The following TMEM67 variants were observed in gnomAD, a reference collection of about 807,000 sequenced individuals.
The protein encoded by TMEM67 is meckelin.
In TMEM67, 124 loss-of-function variants were observed where a neutral mutation model predicts 136.6. That is an observed-to-expected ratio of 0.91 (90% CI 0.78 to 1.05). The LOEUF is 1.05. Among genes scored for constraint, TMEM67 ranks in the 50% least tolerant of loss-of-function variants. The pLI is 0.00. For synonymous variants in TMEM67, 364 were observed against 390.5 expected (o/e 0.93, Z 0.80); for missense variants, 1,107 against 1,178.4 (o/e 0.94, Z 0.89).
chr8:93,793,094 TC>T (rs1814456698), intron 15 of TMEM67, 103 bp from the exon 16 acceptor site: 1 of 1,049,130 alleles, frequency 9.5e-7, no homozygotes, highest in Non-Finnish European at 1.5e-6. Context: ...TTTCAACATT[TC>T]CCACCCCACC....
At chr8:93,777,197 A>G (rs1291486913) in intron 7 of TMEM67, among the ~76,000 whole-genome samples, 3 of 152,120 alleles carry the variant, frequency 2.0e-5, no homozygotes, top group Non-Finnish European at 4.4e-5. Context: ...CGGTGGTGAT[A>G]TCGCCTTTAT....
the TMEM67 span, among the ~76,000 whole-genome samples, chr8:93,831,420 ACT>A: frequency 6.6e-6 from 1 of 152,130 alleles, no homozygotes; most frequent in Admixed American, 6.5e-5. Flanking sequence ...GGACATTTTG[ACT>A]CTCTTTTAAA....
Position 93,808,878 on chromosome 8 carries a change from A to G in TMEM67, c.2478A>G (p.Thr826=), listed in dbSNP as rs1182740692. 6.2e-7 allele frequency: 1 copy of G among 1,613,052 alleles called. No homozygotes were observed. The highest frequency in any genetic ancestry group is 1.1e-5 in the South Asian group (1 of 91,050). ...GCCAGAGAGGTTTGGTACCCAACAC[A>G]GATGGTCAGACTTTTGAGATTGCAA... The part of the protein sequence containing the change: ...LCSQRGLVPN[T]DGQTFEIAIS... The change falls in exon 24 of 28, where the codon ACA becomes ACG. Residue 826 remains threonine (T), a synonymous_variant. Coordinates refer to ENST00000453321, the MANE Select transcript of TMEM67 (RefSeq NM_153704.6).
intron 17 of TMEM67, 44 bp from the exon 18 acceptor site, chr8:93,795,857 A>C (rs768966338): frequency 7.1e-7 from 1 of 1,413,966 alleles, no homozygotes; most frequent in African/African-American, 1.4e-5. Context: ...ACAAACAAAA[A>C]AAACTGTGTG....
intron 18 of TMEM67, among the ~76,000 whole-genome samples, chr8:93,796,492 G>GTTT (rs1814623392): frequency 6.6e-6 from 1 of 152,138 alleles, no homozygotes; most frequent in African/African-American, 2.4e-5. Context: ...CTATTTTACT[G>GTTT]TGAGTGTTAA....
chr8:93,793,689 G>A (rs141497119), intron 16 of TMEM67, among the ~76,000 whole-genome samples: 81 of 151,928 alleles, frequency 5.3e-4, no homozygotes, highest in African/African-American at 1.7e-3. Context: ...TATATCCCTT[G>A]CCCATTTCTC....
rs752036419 is a variant in TMEM67 at position 93,815,325 on chromosome 8, A to G, written c.2785A>G (p.Ser929Gly). The G allele has an allele frequency of 1.3e-6, 2 of 1,590,746 alleles. No homozygotes were observed. Among genetic ancestry groups the G allele is most frequent in the Non-Finnish European group, 1.7e-6 (2 of 1,165,530 alleles). Reference protein sequence around the residue: ...FYNDEGYSFSSVLYYGNEATL... With the variant: ...FYNDEGYSFSGVLYYGNEATL... ...AATAGATGAAGGTTATTCTTTCAGC[A>G]GTGTCCTGTATTATGGAAATGAAGC... Residue 929 changes from serine (S) to glycine (G), a missense_variant, in exon 27 of 28, where the codon AGT becomes GGT. Transcript: ENST00000453321.
intron 13 of TMEM67, 73 bp downstream of exon 13, chr8:93,786,419 G>T (rs1814106120): frequency 1.3e-6 from 2 of 1,536,700 alleles, no homozygotes; most frequent in Admixed American, 3.4e-5. Flanking sequence ...ATTAGTAGAT[G>T]AAAACAATAA....
chr8:93,768,343 G>A (rs911503414), intron 6 of TMEM67, among the ~76,000 whole-genome samples: 3 of 152,024 alleles, frequency 2.0e-5, no homozygotes, highest in African/African-American at 7.2e-5. Flanking sequence ...TGGGCGTGGT[G>A]GCTCACACCT....
At chr8:93,792,662 C>A (rs1054311326) in intron 15 of TMEM67, among the ~76,000 whole-genome samples, 19 of 151,504 alleles carry the variant, frequency 1.3e-4, no homozygotes, top group African/African-American at 4.6e-4. Flanking sequence ...TCAGTGTGAA[C>A]TCATATTTAT....
At position 93,804,747 on chromosome 8, in the gene TMEM67, A is replaced by G. The variant is rs751345531; in HGVS notation, c.2323-15A>G. 6.8e-7 allele frequency: 1 copy of G among 1,468,752 alleles called. No individual in the cohort carries two copies. Among genetic ancestry groups the G allele is most frequent in the Non-Finnish European group, 9.5e-7 (1 of 1,051,108 alleles). The allele number at this position is 1,468,752 out of a possible 1,614,324, so 91.0% of individuals were successfully genotyped here. A position where few individuals can be genotyped will look rare whatever the true frequency, so the allele number is the denominator to read the frequency against. Reference sequence around the variant, plus strand: ...GATGAGTTGCTATTTGCTTCTTTTTATTCTCTTTTTATAGATATCAGTGTT... The same window carrying G: ...GATGAGTTGCTATTTGCTTCTTTTTGTTCTCTTTTTATAGATATCAGTGTT... On this transcript the variant is annotated splice_polypyrimidine_tract_variant and intron_variant, in intron 22 of 27. Transcript: ENST00000453321.
At chr8:93,803,039 T>C (rs1407507666) in intron 21 of TMEM67, among the ~76,000 whole-genome samples, 1 of 152,172 alleles carries the variant, frequency 6.6e-6, no homozygotes, top group East Asian at 1.9e-4. Context: ...TTTTATCTTT[T>C]CCTGAAACAT....
At chr8:93,796,670 A>T in intron 18 of TMEM67, among the ~76,000 whole-genome samples, 1 of 152,244 alleles carries the variant, frequency 6.6e-6, no homozygotes, top group East Asian at 1.9e-4. Context: ...TTCTTTAAAA[A>T]TCAGAAATCT....
intron 3 of TMEM67, chr8:93,761,858 A>G (rs1232974199): frequency 6.6e-6 from 1 of 152,236 alleles, no homozygotes; most frequent in East Asian, 1.9e-4. Context: ...GTATATGCAC[A>G]GGTTATTTCT....
intron 14 of TMEM67, among the ~76,000 whole-genome samples, chr8:93,788,517 G>A (rs113753109): frequency 3.1e-4 from 47 of 152,268 alleles, no homozygotes; most frequent in African/African-American, 1.0e-3. Context: ...AGCCGAGATC[G>A]CGCCACTGCA....
chr8:93,787,942 C>A lies in TMEM67; in HGVS notation c.1511C>A (p.Ser504Tyr), dbSNP rs114655330. The A allele has an allele frequency of 4.8e-5, 78 of 1,611,448 alleles. No individual in the cohort carries two copies. The East Asian group carries it at 1.7e-3, about 35-fold the overall frequency. ...GATATCAAAGATGCCAACAGCCAGT[C>A]TGTGAAGGTGAGTTCCTGACTTATT... ...DIDIKDANSQ[S>Y]VKVSFSVTYE... is the part of the protein sequence containing the mutation. Residue 504 changes from serine to tyrosine, a missense_variant, in exon 14 of 28, where the codon TCT becomes TAT. Physicochemically the swap from Ser to Tyr is moderately radical, Grantham distance 144 (BLOSUM62 -2). Coordinates refer to ENST00000453321, the MANE Select transcript of TMEM67 (RefSeq NM_153704.6).
chr8:93,805,218 A>C (rs936151603), intron 23 of TMEM67, among the ~76,000 whole-genome samples: 3 of 151,954 alleles, frequency 2.0e-5, no homozygotes, highest in Non-Finnish European at 2.9e-5. Flanking sequence ...TGATCCACCC[A>C]CCTTGGCCTC....
chr8:93,808,502 A>ATTT (rs1310785780), intron 23 of TMEM67, among the ~76,000 whole-genome samples: 3 of 144,508 alleles, frequency 2.1e-5, no homozygotes, highest in Non-Finnish European at 4.6e-5. Flanking sequence ...GATCTATTAT[A>ATTT]GATGAATATA....
At chr8:93,826,889 G>A in the TMEM67 span, among the ~76,000 whole-genome samples, 5,035 of 152,214 alleles carry the variant, frequency 0.033, 262 homozygotes, top group African/African-American at 0.11. Flanking sequence ...GAGTGCAATG[G>A]TGCAATCTCG....
Sources: allele counts gnomAD v4.1 joint callset (sites outside exome capture counted in the v4.1 genomes callset), GRCh38; gene constraint gnomAD v4.1.1; transcripts MANE v1.5; gene names NCBI Gene and HGNC (gene_info 2026-07-23, HGNC 2026-07-21).